The following GRIK4 variants were observed in gnomAD, a reference collection of about 807,000 sequenced individuals.
The protein encoded by GRIK4 is glutamate ionotropic receptor kainate type subunit 4, also known as glutamate receptor ionotropic, kainate 4.
GRIK4 carries 40 observed loss-of-function variants against 104.9 expected under a neutral mutation model. The observed-to-expected ratio is 0.38, with a 90% CI of 0.30 to 0.50. The LOEUF is 0.50. Among genes scored for constraint, GRIK4 ranks in the 20% least tolerant of loss-of-function variants. GRIK4 has a pLI of 0.93. For synonymous variants in GRIK4, 485 were observed against 524.9 expected, an observed-to-expected ratio of 0.92 and a Z score of 1.04; for missense variants, 1,047 against 1,308.1, an observed-to-expected ratio of 0.80 and a Z score of 3.08.
chr11:120,517,776 A>G lies in GRIK4; in HGVS notation c.-159+5889A>G, dbSNP rs147716744. On this transcript the variant is annotated intron_variant, in intron 1 of 20. Transcript: ENST00000527524. ...TGAAGGCCCCCAGGAGGGAGTGGGAAGGGGCCGGCCCCTAGCACAGAGGAG... is the reference window on the plus strand; with the variant it reads ...TGAAGGCCCCCAGGAGGGAGTGGGAGGGGGCCGGCCCCTAGCACAGAGGAG... Among the ~76,000 whole-genome samples the G allele has an allele frequency of 7.6e-3, 1,150 of 152,196 alleles. 17 individuals carry two copies. Among genetic ancestry groups the G allele is most frequent in the African/African-American group, 0.027 (1,111 of 41,530 alleles).
intron 1 of GRIK4, among the ~76,000 whole-genome samples, chr11:120,613,301 C>T (rs1949061402): frequency 6.6e-6 from 1 of 152,196 alleles, no homozygotes; most frequent in Non-Finnish European, 1.5e-5. Context: ...TACAAGAAGA[C>T]ATGCCCCCAC....
intron 3 of GRIK4, among the ~76,000 whole-genome samples, chr11:120,792,698 G>T (rs181255125): frequency 2.0e-5 from 3 of 152,266 alleles, no homozygotes; most frequent in Admixed American, 2.0e-4. Flanking sequence ...TGGGTAGCTG[G>T]TGCTGCTATT....
Position 120,555,944 on chromosome 11 carries a change from T to G in GRIK4, c.-159+44057T>G, listed in dbSNP as rs185524275. On this transcript the variant is annotated intron_variant, in intron 1 of 20. Transcript: ENST00000527524. This position sits in a 1 kb window ranked among gnomAD's most constrained non-coding sequence, Gnocchi z 5.3. ...GGCACTTCTCACCACAGACAGGTCA[T>G]ATTTCTAATGGTTTACTTACATGTT... Among the ~76,000 whole-genome samples, 190 of 152,336 alleles carry G rather than the reference T, an allele frequency of 1.2e-3. No homozygotes were observed. The highest frequency in any genetic ancestry group is 4.3e-3 in the African/African-American group (177 of 41,574).
At position 120,583,263 on chromosome 11, in the gene GRIK4, AC is replaced by A. The variant is rs1355915277; in HGVS notation, c.-158-70421del. Among the ~76,000 whole-genome samples, 4 of 152,172 alleles carry A rather than the reference AC, an allele frequency of 2.6e-5. No individual in the cohort carries two copies. The East Asian group carries it at 7.7e-4, about 29-fold the overall frequency. On this transcript the variant is annotated intron_variant, in intron 1 of 20. Coordinates refer to ENST00000527524, the MANE Select transcript of GRIK4 (RefSeq NM_014619.5). ...TCTGGATATTAGACCTTTGTTGGAT[AC>A]ATAGTTTGCAAATATTTTCTTCCAT...
chr11:120,962,799 G>T, intron 18 of GRIK4, 118 bp downstream of exon 18: 3 of 608,640 alleles, frequency 4.9e-6, no homozygotes, highest in Non-Finnish European at 8.6e-6. Flanking sequence ...CAGTTTAACA[G>T]TGACTTTACG....
chr11:120,604,806 A>G (rs971993985), intron 1 of GRIK4, among the ~76,000 whole-genome samples: 4 of 152,222 alleles, frequency 2.6e-5, no homozygotes, highest in Admixed American at 2.6e-4. Flanking sequence ...AACAATGTGT[A>G]TGGCCAGACC....
chr11:120,547,449 G>A (rs543524401), intron 1 of GRIK4, among the ~76,000 whole-genome samples: 5 of 152,272 alleles, frequency 3.3e-5, no homozygotes, highest in African/African-American at 1.2e-4. Flanking sequence ...GACTCTGGTC[G>A]GCGGTGACCA....
chr11:120,930,130 T>C (rs549078844), intron 13 of GRIK4, among the ~76,000 whole-genome samples: 1 of 152,308 alleles, frequency 6.6e-6, no homozygotes, highest in South Asian at 2.1e-4. Context: ...CGCACAGTCC[T>C]GAGAATGTGT....
intron 1 of GRIK4, among the ~76,000 whole-genome samples, chr11:120,519,236 A>G (rs61900863): frequency 0.17 from 26,147 of 152,192 alleles, 2,774 homozygotes; most frequent in Middle Eastern, 0.24. Flanking sequence ...CTTTCCATAT[A>G]TTATCTTAAT....
At position 120,831,745 on chromosome 11, in the gene GRIK4, C is replaced by T. The variant is rs185471671; in HGVS notation, c.512-107C>T. 5.1e-4 allele frequency: 403 copies of T among 784,074 alleles called. 2 individuals carry two copies. The highest frequency in any genetic ancestry group is 2.8e-3 in the Middle Eastern group (11 of 3,938). The allele number at this position is 784,074 out of a possible 1,614,324, so 48.6% of individuals were successfully genotyped here. Reference sequence around the variant, plus strand: ...TAATGCTGTCAGTGGGGCCAGACCCCCCGACCCCACTTCCAGCCCACATCT... The same window carrying T: ...TAATGCTGTCAGTGGGGCCAGACCCTCCGACCCCACTTCCAGCCCACATCT... On this transcript the variant is annotated intron_variant, in intron 6 of 20. Transcript: ENST00000527524.
chr11:120,714,390 G>A (rs746581415), intron 3 of GRIK4, among the ~76,000 whole-genome samples: 6 of 152,178 alleles, frequency 3.9e-5, no homozygotes, highest in Non-Finnish European at 4.4e-5. Flanking sequence ...ATCCACTCGC[G>A]CTATTTATTT....
intron 1 of GRIK4, among the ~76,000 whole-genome samples, chr11:120,525,751 G>A (rs1458573243): frequency 6.6e-6 from 1 of 152,162 alleles, no homozygotes; most frequent in Non-Finnish European, 1.5e-5. Flanking sequence ...GGCCTTAACT[G>A]GGGCACAGGG....
At chr11:120,932,381 C>T (rs1331177287) in intron 13 of GRIK4, among the ~76,000 whole-genome samples, 2 of 151,744 alleles carry the variant, frequency 1.3e-5, no homozygotes, top group African/African-American at 4.8e-5. Flanking sequence ...GCAGGCAGTC[C>T]CCGCCCACCC....
At chr11:120,584,503 A>G (rs1948632176) in intron 1 of GRIK4, among the ~76,000 whole-genome samples, 1 of 152,170 alleles carries the variant, frequency 6.6e-6, no homozygotes, top group Non-Finnish European at 1.5e-5. Context: ...TGAGTGAGAT[A>G]GAGACAGAGA....
chr11:120,884,233 T>C (rs1203365739), intron 11 of GRIK4, among the ~76,000 whole-genome samples: 1 of 152,254 alleles, frequency 6.6e-6, no homozygotes, highest in African/African-American at 2.4e-5. Context: ...AAAATTATTG[T>C]GAGAGCAAAA....
intron 1 of GRIK4, among the ~76,000 whole-genome samples, chr11:120,517,742 A>C (rs910109276): frequency 6.6e-6 from 1 of 152,130 alleles, no homozygotes; most frequent in Admixed American, 6.5e-5. Flanking sequence ...GTTGAGTGTG[A>C]TAGTCCTGTG....
intron 3 of GRIK4, among the ~76,000 whole-genome samples, chr11:120,724,525 G>T (rs544114928): frequency 1.3e-5 from 2 of 152,264 alleles, no homozygotes; most frequent in South Asian, 4.2e-4. Flanking sequence ...GAATGTTATT[G>T]GCATTGAATG....
intron 1 of GRIK4, among the ~76,000 whole-genome samples, chr11:120,630,150 C>T (rs1168213215): frequency 1.3e-5 from 2 of 152,222 alleles, no homozygotes; most frequent in Admixed American, 1.3e-4. Context: ...AGCCCAGCTG[C>T]AGGCTACAGA....
intron 1 of GRIK4, among the ~76,000 whole-genome samples, chr11:120,575,287 A>C (rs890871493): frequency 4.6e-5 from 7 of 151,944 alleles, no homozygotes; most frequent in Non-Finnish European, 1.0e-4. Flanking sequence ...CCTTGGTGCT[A>C]CTATCTTTCC....
Sources: allele counts gnomAD v4.1 joint callset (sites outside exome capture counted in the v4.1 genomes callset), GRCh38; gene constraint gnomAD v4.1.1; non-coding constraint Gnocchi (gnomAD v3.1); transcripts MANE v1.5; gene names NCBI Gene and HGNC (gene_info 2026-07-23, HGNC 2026-07-21).